Variants in STX2 observed in about 807,000 individuals in gnomAD.
STX2 encodes the protein syntaxin-2.
Under a neutral mutation model 40.6 loss-of-function variants are expected in STX2, and 27 were observed. That is an observed-to-expected ratio of 0.66 (90% CI 0.49 to 0.92). The LOEUF is 0.92. Ranked by LOEUF, STX2 falls within the 40% of genes least tolerant of loss-of-function variation. The pLI is 0.00. For synonymous variants in STX2, 123 were observed against 119.1 expected, an observed-to-expected ratio of 1.03 and a Z score of -0.22; for missense variants, 328 against 366.1, an observed-to-expected ratio of 0.90 and a Z score of 0.85.
intron 4 of STX2, chr12:130,812,363 C>T (rs9668291): frequency 6.7e-6 from 3 of 449,648 alleles, no homozygotes; most frequent in African/African-American, 4.0e-5. Context: ...GGAGCGGGTG[C>T]GGGTGGGAGC....
rs1245554053 is a variant in STX2 at position 130,790,297 on chromosome 12, C to T, written c.*1726G>A. The T allele has an allele frequency of 6.6e-6, 1 of 152,150 alleles. No homozygotes were observed. 9.4% of individuals were successfully genotyped at this position (152,150 alleles called of 1,614,324 possible). On this transcript the variant is annotated 3_prime_UTR_variant, in exon 11 of 11. Coordinates refer to ENST00000392373, the MANE Select transcript of STX2 (RefSeq NM_194356.4). ...TAAGTAAGGGACGCGGCTTCTGAGCCATTCAATATTCTCCACACCTGTTTG... is the reference window on the plus strand; with the variant it reads ...TAAGTAAGGGACGCGGCTTCTGAGCTATTCAATATTCTCCACACCTGTTTG...
At chr12:130,820,476 G>A (rs1952069612) in intron 3 of STX2, among the ~76,000 whole-genome samples, 1 of 152,144 alleles carries the variant, frequency 6.6e-6, no homozygotes, top group Non-Finnish European at 1.5e-5. Flanking sequence ...GACCAGCCTG[G>A]CCAATATGGT....
At chr12:130,819,499 A>G (rs1349995572) in intron 3 of STX2, among the ~76,000 whole-genome samples, 1 of 152,238 alleles carries the variant, frequency 6.6e-6, no homozygotes, top group Non-Finnish European at 1.5e-5. Flanking sequence ...ACAAAACAAA[A>G]CACAAAAAAG....
Position 130,814,839 on chromosome 12 carries a change from A to G in STX2, c.206-1808T>C, listed in dbSNP as rs1951800619. On this transcript the variant is annotated intron_variant, in intron 3 of 10. Transcript: ENST00000392373. ...TTTAGTAGAGATGGGGTTTCGCCAT[A>G]TTGGCCAGGCTGGTCTTGAGCTCCT... Among the ~76,000 whole-genome samples, 7 of 151,768 alleles carry G rather than the reference A, an allele frequency of 4.6e-5. 1 individual carries two copies. Among genetic ancestry groups the G allele is most frequent in the Admixed American group, 4.6e-4 (7 of 15,234 alleles).
At chr12:130,816,935 T>A (rs1757705132) in intron 3 of STX2, among the ~76,000 whole-genome samples, 1 of 152,194 alleles carries the variant, frequency 6.6e-6, no homozygotes, top group African/African-American at 2.4e-5. Flanking sequence ...TCAGTCTAAA[T>A]CATCTCAATC....
At chr12:130,818,159 C>A (rs1340594130) in intron 3 of STX2, among the ~76,000 whole-genome samples, 1 of 74,080 alleles carries the variant, frequency 1.3e-5, no homozygotes, top group Non-Finnish European at 2.4e-5. Context: ...CAGTGAGAAA[C>A]GCTGTTTCTA....
chr12:130,797,154 C>T (rs1254124908), intron 9 of STX2, among the ~76,000 whole-genome samples: 3 of 152,232 alleles, frequency 2.0e-5, no homozygotes, highest in African/African-American at 4.8e-5. Context: ...CAGGCTTGCT[C>T]ATCCACAGAG....
chr12:130,794,019 G>A (rs996431637), intron 10 of STX2, among the ~76,000 whole-genome samples: 4 of 152,202 alleles, frequency 2.6e-5, no homozygotes, highest in Non-Finnish European at 5.9e-5. Flanking sequence ...GGGTCACACT[G>A]AGAGGAGCCT....
At chr12:130,792,376 A>G (rs1950903341) in intron 10 of STX2, among the ~76,000 whole-genome samples, 1 of 152,200 alleles carries the variant, frequency 6.6e-6, no homozygotes, top group South Asian at 2.1e-4. Context: ...TCTTTTAATC[A>G]TAATAAAACT....
intron 1 of STX2, among the ~76,000 whole-genome samples, chr12:130,831,525 A>G (rs61938969): frequency 0.35 from 52,751 of 151,898 alleles, 9,514 homozygotes; most frequent in Middle Eastern, 0.41. Context: ...AAAATTAGCC[A>G]GGCGTGGTGG....
intron 4 of STX2, among the ~76,000 whole-genome samples, chr12:130,809,013 T>C (rs2136276063): frequency 6.6e-6 from 1 of 152,310 alleles, no homozygotes; most frequent in Middle Eastern, 3.4e-3. Flanking sequence ...ATTACAGGCG[T>C]GTGCCACCAC....
intron 4 of STX2, among the ~76,000 whole-genome samples, chr12:130,809,452 TA>T (rs1565915178): frequency 6.6e-6 from 1 of 152,168 alleles, no homozygotes; most frequent in Admixed American, 6.5e-5. Flanking sequence ...AAATTAAATT[TA>T]AAAAAATTAA....
chr12:130,792,223 GCTAATTTT>G (rs1402808892), intron 10 of STX2, among the ~76,000 whole-genome samples: 1 of 152,092 alleles, frequency 6.6e-6, no homozygotes, highest in African/African-American at 2.4e-5. Flanking sequence ...ACCACGCCCA[GCTAATTTT>G]TGTATTTTTA....
At chr12:130,813,068 T>G (rs1378615616) in intron 3 of STX2, 37 bp from the exon 4 acceptor site, 12 of 1,248,018 alleles carry the variant, frequency 9.6e-6, no homozygotes, top group Non-Finnish European at 1.3e-5. Context: ...AAATACAGCA[T>G]CTGAGCTATA....
chr12:130,827,374 CAGCA>C, intron 1 of STX2, 107 bp from the exon 2 acceptor site: 1 of 797,488 alleles, frequency 1.3e-6, no homozygotes, highest in South Asian at 1.5e-5. Flanking sequence ...CAACTCACTA[CAGCA>C]CCAAATTGTA....
chr12:130,837,830 G>A (rs183258046), intron 1 of STX2, among the ~76,000 whole-genome samples: 29 of 152,294 alleles, frequency 1.9e-4, no homozygotes, highest in African/African-American at 6.7e-4. Context: ...ATTGATCTGC[G>A]GAACACAGGG....
intron 1 of STX2, among the ~76,000 whole-genome samples, chr12:130,829,349 G>A (rs1193793266): frequency 6.6e-6 from 1 of 152,144 alleles, no homozygotes; most frequent in Non-Finnish European, 1.5e-5. Context: ...TAATTTTATG[G>A]TCCCCATGTT....
chr12:130,824,954 G>A (rs572151189), intron 2 of STX2, among the ~76,000 whole-genome samples: 30 of 151,884 alleles, frequency 2.0e-4, no homozygotes, highest in African/African-American at 7.0e-4. Context: ...CCCCTGAGAC[G>A]CCAGCAGCAA....
In STX2 at chr12:130,801,480, T is replaced by C. The variant is rs759509296; in HGVS notation, c.472A>G (p.Thr158Ala). 1.2e-6 allele frequency: 2 copies of C among 1,600,594 alleles called. No individual in the cohort carries two copies. The highest frequency in any genetic ancestry group is 3.5e-5 in the Admixed American group (2 of 57,382). The change falls in exon 7 of 11, where the codon ACC (threonine) becomes GCC (alanine). Residue 158 changes from threonine (T) to alanine (A), a missense_variant. Transcript: ENST00000392373. ...TCTTCTAGCTCGTCGTCTGTGGTGG[T>C]TCTCCCAGCTGAAAGACCCGCAACC... is the stretch of plus-strand genomic sequence containing the variant. ...IQRQLEITGR[T>A]TTDDELEEML... is the part of the protein sequence containing the mutation.
Sources: gnomAD v4.1 joint callset for allele counts (sites outside exome capture counted in the v4.1 genomes callset) on GRCh38, gnomAD v4.1.1 for gene constraint, MANE v1.5 for transcripts, NCBI Gene and HGNC (gene_info 2026-07-23, HGNC 2026-07-21) for gene names.